EEPD1: variants seen among roughly 807,000 people sequenced by gnomAD.
EEPD1 encodes endonuclease/exonuclease/phosphatase family domain containing 1.
Under a neutral mutation model 46.3 loss-of-function variants are expected in EEPD1, and 17 were observed. The ratio of observed to expected loss-of-function variants is 0.37; its 90% CI spans 0.25 to 0.55. The LOEUF is 0.55. Among genes scored for constraint, EEPD1 ranks in the 20% least tolerant of loss-of-function variants. The probability of loss-of-function intolerance (pLI) is 0.83; values close to 1 mark genes in which losing one functional copy is unlikely to be tolerated. For synonymous variants in EEPD1, 313 were observed against 315.6 expected, an observed-to-expected ratio of 0.99 and a Z score of 0.09; for missense variants, 673 against 745.6, an observed-to-expected ratio of 0.90 and a Z score of 1.13.
chr7:36,236,182 G>A (rs1316946069), intron 2 of EEPD1, among the ~76,000 whole-genome samples: 2 of 152,224 alleles, frequency 1.3e-5, no homozygotes, highest in Admixed American at 6.5e-5. Context: ...CTCGGCGTCC[G>A]CTCTGGCCGC....
intron 3 of EEPD1, among the ~76,000 whole-genome samples, chr7:36,276,186 G>A (rs1227129925): frequency 6.6e-6 from 1 of 152,188 alleles, no homozygotes; most frequent in Non-Finnish European, 1.5e-5. Context: ...GTCAGCACAA[G>A]ATACAGGTCA....
At chr7:36,194,072 T>C (rs1410920049) in intron 2 of EEPD1, among the ~76,000 whole-genome samples, 8 of 152,204 alleles carry the variant, frequency 5.3e-5, no homozygotes, top group Admixed American at 5.2e-4. Context: ...CTACTTCTAT[T>C]GTGAGGCCAA....
At position 36,297,075 on chromosome 7, in the gene EEPD1, C is replaced by G. The variant is rs1197633200; in HGVS notation, c.1398C>G (p.Phe466Leu). ...NDYDILRKEK[F>L]HHLIPAHTFT... is the part of the protein sequence containing the mutation. ...ATGATATCCTGAGGAAAGAAAAGTT[C>G]CACCACCTGATCCCCGCGCACACCT... is the stretch of plus-strand genomic sequence containing the variant. Residue 466 changes from phenylalanine (F) to leucine (L), a missense_variant, in exon 7 of 8, where the codon TTC (phenylalanine) becomes TTG (leucine). By Grantham distance (22) the Phe-to-Leu change is conservative. Coordinates refer to ENST00000242108, the MANE Select transcript of EEPD1 (RefSeq NM_030636.3). 8 of 1,614,090 alleles carry G rather than the reference C, an allele frequency of 5.0e-6. No individual in the cohort carries two copies. Among genetic ancestry groups the G allele is most frequent in the African/African-American group, 2.7e-5 (2 of 74,918 alleles).
chr7:36,201,492 A>C (rs1562684658), intron 2 of EEPD1, among the ~76,000 whole-genome samples: 2 of 152,170 alleles, frequency 1.3e-5, no homozygotes, highest in African/African-American at 4.8e-5. Flanking sequence ...TCTGATGACT[A>C]TCAGCTGAGT....
intron 3 of EEPD1, among the ~76,000 whole-genome samples, chr7:36,247,423 C>T (rs888047): frequency 0.72 from 109,700 of 152,120 alleles, 39,674 homozygotes; most frequent in Admixed American, 0.75. Context: ...TTGCAATTAA[C>T]TTAGTTTCTG....
intron 2 of EEPD1, among the ~76,000 whole-genome samples, chr7:36,176,930 T>C (rs948142223): frequency 6.6e-6 from 1 of 152,224 alleles, no homozygotes; most frequent in Non-Finnish European, 1.5e-5. Flanking sequence ...GGAAAAATAA[T>C]AAATCCAAAC....
At chr7:36,298,911 C>T (rs1340283905) in intron 7 of EEPD1, 96 bp from the exon 8 acceptor site, 4 of 1,431,996 alleles carry the variant, frequency 2.8e-6, no homozygotes, top group African/African-American at 1.4e-5. Context: ...CCCCGGCCTG[C>T]AGACATGCGG....
At chr7:36,270,098 G>A (rs1253814546) in intron 3 of EEPD1, among the ~76,000 whole-genome samples, 1 of 152,164 alleles carries the variant, frequency 6.6e-6, no homozygotes, top group Non-Finnish European at 1.5e-5. Context: ...AAAGCAGAAT[G>A]TGTGTGTGCA....
chr7:36,287,586 A>G (rs1179084269), intron 5 of EEPD1, 53 bp from the exon 6 acceptor site: 3 of 1,585,938 alleles, frequency 1.9e-6, no homozygotes, highest in South Asian at 1.1e-5. Flanking sequence ...TAACGGATAC[A>G]GGAAATATGA....
intron 2 of EEPD1, among the ~76,000 whole-genome samples, chr7:36,165,646 C>T (rs1357389549): frequency 7.0e-6 from 1 of 142,792 alleles, no homozygotes; most frequent in Non-Finnish European, 1.5e-5. Flanking sequence ...TCCATGTTGA[C>T]CAGGATGGTC....
At chr7:36,205,541 A>C (rs976786452) in intron 2 of EEPD1, among the ~76,000 whole-genome samples, 2 of 152,126 alleles carry the variant, frequency 1.3e-5, no homozygotes, top group African/African-American at 4.8e-5. Context: ...CAAAGGTTTC[A>C]TGTGTTCTTG....
chr7:36,244,177 C>T (rs1281000310), intron 3 of EEPD1, among the ~76,000 whole-genome samples: 2 of 152,000 alleles, frequency 1.3e-5, no homozygotes, highest in Non-Finnish European at 1.5e-5. Context: ...AAATGACAAC[C>T]TGCCTTTGAG....
chr7:36,227,970 G>A (rs1050477839), intron 2 of EEPD1, among the ~76,000 whole-genome samples: 2 of 152,106 alleles, frequency 1.3e-5, no homozygotes, highest in Non-Finnish European at 2.9e-5. Flanking sequence ...TTACAGGCAT[G>A]AGCCACCACA....
intron 2 of EEPD1, among the ~76,000 whole-genome samples, chr7:36,183,858 G>T (rs1485488566): frequency 8.3e-6 from 1 of 119,804 alleles, no homozygotes; most frequent in Non-Finnish European, 2.0e-5. Context: ...GTTTTATCCG[G>T]ATTATTCCTA....
At chr7:36,212,893 C>G (rs1489965161) in intron 2 of EEPD1, among the ~76,000 whole-genome samples, 2 of 152,166 alleles carry the variant, frequency 1.3e-5, no homozygotes, top group African/African-American at 4.8e-5. Context: ...TGGCTCACGC[C>G]TATAATCCCA....
Position 36,299,138 on chromosome 7 carries a change from G to T in EEPD1, c.1642G>T (p.Asp548Tyr). The T allele has an allele frequency of 6.2e-7, 1 of 1,611,598 alleles. No homozygotes were observed. The highest frequency in any genetic ancestry group is 8.5e-7 in the Non-Finnish European group (1 of 1,177,958). Residue 548 changes from aspartate (D) to tyrosine (Y), a missense_variant, in exon 8 of 8, where the codon GAT becomes TAT. By Grantham distance (160) the Asp-to-Tyr change is radical. Transcript: ENST00000242108. ...CACTGAAAAGGACTGGAGCAAGAAG[G>T]ATGCCCCTCGGAACGGCAGCGGGGT... ...FYTEKDWSKK[D>Y]APRNGSGVAL...
intron 3 of EEPD1, among the ~76,000 whole-genome samples, chr7:36,240,525 C>T (rs1414666913): frequency 6.6e-6 from 1 of 152,148 alleles, no homozygotes; most frequent in Non-Finnish European, 1.5e-5. Context: ...AAGCACTCTA[C>T]TCATTATTAA....
chr7:36,155,290 CG>C, intron 2 of EEPD1, 88 bp downstream of exon 2: 1 of 1,416,514 alleles, frequency 7.1e-7, no homozygotes. Flanking sequence ...GATTCTTTTG[CG>C]GGTAGGGAGG....
chr7:36,221,139 A>G (rs1163172208), intron 2 of EEPD1, among the ~76,000 whole-genome samples: 1 of 152,250 alleles, frequency 6.6e-6, no homozygotes, highest in African/African-American at 2.4e-5. Flanking sequence ...TTATCAAGGT[A>G]GTAATTTTTC....
Sources: gnomAD v4.1 joint callset for allele counts (sites outside exome capture counted in the v4.1 genomes callset) on GRCh38, gnomAD v4.1.1 for gene constraint, MANE v1.5 for transcripts, NCBI Gene and HGNC (gene_info 2026-07-23, HGNC 2026-07-21) for gene names.